The following WDFY4 variants were observed in gnomAD, a reference collection of about 807,000 sequenced individuals.
WDFY4 encodes the protein WDFY family member 4.
A neutral mutation model predicts 351.9 loss-of-function variants in WDFY4; 169 were observed. The ratio of observed to expected loss-of-function variants is 0.48; its 90% confidence interval spans 0.42 to 0.55. The LOEUF (loss-of-function observed/expected upper bound fraction) is 0.55, where lower values mean the gene tolerates loss of function less well. Among genes scored for constraint, WDFY4 ranks in the 20% least tolerant of loss-of-function variants. WDFY4 has a pLI of 0.00. For synonymous variants in WDFY4, 1,622 were observed against 1,574.6 expected (o/e 1.03, Z -0.71); for missense variants, 3,803 against 3,935.6 (o/e 0.97, Z 0.90).
intron 24 of WDFY4, among the ~76,000 whole-genome samples, chr10:48,800,078 G>C (rs2067012321): frequency 6.6e-6 from 1 of 152,036 alleles, no homozygotes; most frequent in Non-Finnish European, 1.5e-5. Flanking sequence ...TAGAGACGGG[G>C]TTTCACCATG....
chr10:48,855,477 G>T (rs1322989973), intron 39 of WDFY4, among the ~76,000 whole-genome samples: 3 of 151,940 alleles, frequency 2.0e-5, no homozygotes, highest in Non-Finnish European at 4.4e-5. Context: ...CTGTAGTAGT[G>T]GTTCATTTGT....
At chr10:48,805,484 A>T in intron 26 of WDFY4, 63 bp downstream of exon 26, 1 of 1,513,230 alleles carries the variant, frequency 6.6e-7, no homozygotes, top group Non-Finnish European at 8.8e-7. Flanking sequence ...AAGGGAGGAC[A>T]GACCCCAGCT....
intron 43 of WDFY4, 132 bp downstream of exon 43, chr10:48,877,331 A>G: frequency 1.1e-6 from 1 of 878,794 alleles, no homozygotes; most frequent in Non-Finnish European, 1.7e-6. Context: ...CTTTCAACAC[A>G]ATAATCAGTG....
Position 48,807,952 on chromosome 10 carries a change from C to T in WDFY4, c.4832C>T (p.Ser1611Phe), listed in dbSNP as rs1397761828. 6.5e-7 allele frequency: 1 copy of T among 1,542,858 alleles called. No homozygotes were observed. The highest frequency in any genetic ancestry group is 1.2e-5 in the South Asian group (1 of 82,798). Residue 1611 changes from serine to phenylalanine, a missense_variant, in exon 28 of 62, where the codon TCC becomes TTC. By Grantham distance (155) the Ser-to-Phe change is radical. This residue lies in a region of WDFY4 where 3,054 missense variants were observed against 3,148.6 expected (regional missense o/e 0.97). Coordinates refer to ENST00000325239, the MANE Select transcript of WDFY4 (RefSeq NM_001394531.1). ...ATATCTTCCCCCCAGCTTCATCTGT[C>T]CTCTGAGTAAGTAGCTCCAGGAAGA... ...SVISSPQLHL[S>F]SESKEEMFLK...
chr10:48,867,299 G>A lies in WDFY4; in HGVS notation c.6698G>A (p.Arg2233Lys), dbSNP rs2069583608. ...TCATGTATAGAGAACTACAGAAGAA[G>A]AGGACAAGAGCTATATGCATCTTTA... ...FVSCIENYRR[R>K]GQELYASLYK... Residue 2233 changes from arginine to lysine, a missense_variant, in exon 40 of 62, where the codon AGA becomes AAA. This residue lies in a region of WDFY4 where 3,054 missense variants were observed against 3,148.6 expected (regional missense o/e 0.97). Coordinates refer to ENST00000325239, the MANE Select transcript of WDFY4 (RefSeq NM_001394531.1). The A allele has an allele frequency of 2.0e-6, 3 of 1,496,270 alleles. No individual in the cohort carries two copies. Among genetic ancestry groups the A allele is most frequent in the South Asian group, 2.7e-5 (2 of 73,264 alleles). The allele number at this position is 1,496,270 out of a possible 1,614,324, so 92.7% of individuals were successfully genotyped here.
At chr10:48,977,575 T>C (rs1357845670) in intron 59 of WDFY4, among the ~76,000 whole-genome samples, 1 of 152,230 alleles carries the variant, frequency 6.6e-6, no homozygotes, top group African/African-American at 2.4e-5. Flanking sequence ...CAGGGCATCC[T>C]GGGATGGCCT....
At chr10:48,691,435 G>A (rs1243255118) in intron 1 of WDFY4, among the ~76,000 whole-genome samples, 3 of 152,150 alleles carry the variant, frequency 2.0e-5, no homozygotes, top group Admixed American at 6.5e-5. Flanking sequence ...CTCTCTGCCT[G>A]ACCATGCTGC....
intron 42 of WDFY4, 38 bp from the exon 43 acceptor site, chr10:48,876,995 C>T (rs1437082608): frequency 2.8e-6 from 4 of 1,440,266 alleles, no homozygotes; most frequent in African/African-American, 2.9e-5. Context: ...TGTCAGGTGG[C>T]TCCTGTCAAC....
chr10:48,747,514 A>G (rs1370010733), intron 12 of WDFY4, among the ~76,000 whole-genome samples: 1 of 151,606 alleles, frequency 6.6e-6, no homozygotes, highest in African/African-American at 2.4e-5. Context: ...TCCTCCCTTA[A>G]TCTTTCTTTT....
At chr10:48,855,925 T>C (rs1372641383) in intron 39 of WDFY4, among the ~76,000 whole-genome samples, 1 of 152,156 alleles carries the variant, frequency 6.6e-6, no homozygotes, top group East Asian at 1.9e-4. Context: ...GATTAAACTT[T>C]ATCATAGGTA....
rs1381912539 is a variant in WDFY4, at chr10:48,723,491, A to C, written c.515A>C (p.Tyr172Ser). 6 of 1,551,018 alleles carry C rather than the reference A, an allele frequency of 3.9e-6. No individual in the cohort carries two copies. Among genetic ancestry groups the C allele is most frequent in the Non-Finnish European group, 5.2e-6 (6 of 1,146,968 alleles). Reference protein sequence around the residue: ...GLPALLLQCLYLFFVFPLDKD... With the variant: ...GLPALLLQCLSLFFVFPLDKD... ...CCAGCCCTGCTCCTACAGTGCCTTTACCTCTTCTTTGTCTTTCCTCTGGAC... is the reference window on the plus strand; with the variant it reads ...CCAGCCCTGCTCCTACAGTGCCTTTCCCTCTTCTTTGTCTTTCCTCTGGAC... The change falls in exon 5 of 62, where the codon TAC (tyrosine) becomes TCC (serine). Residue 172 changes from tyrosine (Y) to serine (S), a missense_variant. By Grantham distance (144) the Tyr-to-Ser change is moderately radical. Transcript: ENST00000325239.
At position 48,873,476 on chromosome 10, in the gene WDFY4, G is replaced by A; in HGVS notation, c.6742-15G>A. 1 of 1,537,890 alleles carries A rather than the reference G, an allele frequency of 6.5e-7. No individual in the cohort carries two copies. The highest frequency in any genetic ancestry group is 1.2e-5 in the South Asian group (1 of 81,798). On this transcript the variant is annotated splice_polypyrimidine_tract_variant and intron_variant, in intron 40 of 61. Transcript: ENST00000325239. Reference sequence around the variant, plus strand: ...AGGCAAATGTATCCAGGGTGACTCTGTTTCTGCTCCCCAGAGGCGAAAATG... The same window carrying A: ...AGGCAAATGTATCCAGGGTGACTCTATTTCTGCTCCCCAGAGGCGAAAATG...
At chr10:48,918,936 G>A (rs1248589491) in intron 47 of WDFY4, among the ~76,000 whole-genome samples, 1 of 152,186 alleles carries the variant, frequency 6.6e-6, no homozygotes, top group Non-Finnish European at 1.5e-5. Flanking sequence ...GATGAGAACT[G>A]CTAGTATAGA....
At chr10:48,750,533 C>T (rs545960536) in intron 12 of WDFY4, among the ~76,000 whole-genome samples, 4 of 152,352 alleles carry the variant, frequency 2.6e-5, no homozygotes, top group Admixed American at 6.5e-5. Flanking sequence ...AAGAAGCCTC[C>T]CCTGGCCTGC....
At chr10:48,707,731 T>C (rs951828127) in intron 1 of WDFY4, among the ~76,000 whole-genome samples, 1 of 152,232 alleles carries the variant, frequency 6.6e-6, no homozygotes, top group Non-Finnish European at 1.5e-5. Flanking sequence ...CTGTGTGTCA[T>C]ACTCTGTAAG....
rs1227956041 is a variant in WDFY4 at position 48,833,141 on chromosome 10, A to ATGTGTGTG, written c.6663+457_6663+464dup. On this transcript the variant is annotated intron_variant, in intron 39 of 61. Transcript: ENST00000325239. ...TTCCTAAAACTCATTGGCACCAACAATGTGTGTGTGTGTGTGTGTGTGTGT... is the reference window on the plus strand; with the variant it reads ...TTCCTAAAACTCATTGGCACCAACAATGTGTGTGTGTGTGTGTGTGTGTGTGTGTGTGT... Among the ~76,000 whole-genome samples, 831 of 141,618 alleles carry ATGTGTGTG rather than the reference A, an allele frequency of 5.9e-3. 11 individuals carry two copies. The highest frequency in any genetic ancestry group is 0.02 in the African/African-American group (743 of 36,394). The allele number at this position is 141,618 out of a possible 152,430, so 92.9% of individuals were successfully genotyped here. A position where few individuals can be genotyped will look rare whatever the true frequency, so the allele number is the denominator to read the frequency against.
chr10:48,774,734 G>GGTT, intron 14 of WDFY4, 62 bp downstream of exon 14: 1 of 1,538,494 alleles, frequency 6.5e-7, no homozygotes, highest in Non-Finnish European at 8.8e-7. Flanking sequence ...GCAGGGCAGG[G>GGTT]GTTGCACAAT....
intron 26 of WDFY4, 104 bp from the exon 27 acceptor site, chr10:48,805,900 C>A: frequency 1.1e-6 from 1 of 913,532 alleles, no homozygotes; most frequent in Non-Finnish European, 1.8e-6. Flanking sequence ...TAAACTCTCA[C>A]TTGCAGCTGC....
At chr10:48,961,299 A>G (rs746585200) in intron 53 of WDFY4, among the ~76,000 whole-genome samples, 7 of 152,256 alleles carry the variant, frequency 4.6e-5, no homozygotes, top group Non-Finnish European at 8.8e-5. Context: ...CTGATAAAAG[A>G]CAGAGGTACA....
Sources: gnomAD v4.1 joint callset for allele counts (sites outside exome capture counted in the v4.1 genomes callset) on GRCh38, gnomAD v4.1.1 for gene constraint, gnomAD v4.1.1 regional missense constraint, MANE v1.5 for transcripts, NCBI Gene and HGNC (gene_info 2026-07-23, HGNC 2026-07-21) for gene names.